Variants in DTWD2 observed in about 807,000 individuals in gnomAD.
The protein encoded by DTWD2 is DTW motif tRNA-uridine aminocarboxypropyltransferase 2, also known as tRNA-uridine aminocarboxypropyltransferase 2.
In DTWD2, 39 loss-of-function variants were observed where a neutral mutation model predicts 31.8. That is an observed-to-expected ratio of 1.22 (90% confidence interval 0.95 to 1.60). The LOEUF is 1.60. Among genes scored for constraint, DTWD2 ranks in the 40% most tolerant of loss-of-function variants. The pLI is 0.00. For missense variants in DTWD2, 515 were observed against 381.5 expected, an observed-to-expected ratio of 1.35 and a Z score of -2.92; for synonymous variants, 180 against 142.8, an observed-to-expected ratio of 1.26 and a Z score of -1.86.
At chr5:118,863,524 A>G (rs1752314009) in intron 4 of DTWD2, among the ~76,000 whole-genome samples, 1 of 152,252 alleles carries the variant, frequency 6.6e-6, no homozygotes, top group Non-Finnish European at 1.5e-5. Context: ...AGTCCTTAAA[A>G]GCAGATACAG....
At chr5:118,849,086 G>T (rs903827508) in intron 4 of DTWD2, among the ~76,000 whole-genome samples, 1 of 152,116 alleles carries the variant, frequency 6.6e-6, no homozygotes, top group African/African-American at 2.4e-5. Flanking sequence ...GAGTGAACAG[G>T]CAACCTACAG....
intron 4 of DTWD2, among the ~76,000 whole-genome samples, chr5:118,872,622 G>A (rs1446165197): frequency 3.3e-5 from 5 of 152,050 alleles, no homozygotes; most frequent in African/African-American, 4.8e-5. Context: ...GAGGTTTGTG[G>A]CACCCCAAAA....
chr5:118,896,971 C>A (rs1054080659), intron 4 of DTWD2, among the ~76,000 whole-genome samples: 3 of 152,172 alleles, frequency 2.0e-5, no homozygotes, highest in African/African-American at 7.2e-5. Context: ...TCAAATCAAA[C>A]CATGACTAAA....
chr5:118,932,674 AG>A (rs1189410300), intron 3 of DTWD2, among the ~76,000 whole-genome samples: 1 of 152,206 alleles, frequency 6.6e-6, no homozygotes, highest in Non-Finnish European at 1.5e-5. Context: ...ACAAAAGAAG[AG>A]ATGGCAGGGG....
intron 2 of DTWD2, among the ~76,000 whole-genome samples, chr5:118,943,129 T>C: frequency 6.6e-6 from 1 of 152,188 alleles, no homozygotes; most frequent in Admixed American, 6.5e-5. Context: ...TAACCAAAAT[T>C]GCTGTGGCCG....
chr5:118,985,490 T>TTATATATATATATACATA lies in DTWD2; in HGVS notation c.218+2803_218+2804insTATGTATATATATATATA, dbSNP rs1554072597. On this transcript the variant is annotated intron_variant, in intron 1 of 5. Transcript: ENST00000510708. ...AAAGACCACATGCTTATGTGCATTTTTATATATATATATATATATATATAT... is the reference window on the plus strand; with the variant it reads ...AAAGACCACATGCTTATGTGCATTTTTATATATATATATACATATATATATATATATATATATATATAT... Among the ~76,000 whole-genome samples the TTATATATATATATACATA allele has an allele frequency of 3.1e-5, 3 of 95,428 alleles. No homozygotes were observed. In the East Asian group the frequency reaches 1.1e-3, roughly 35 times the overall value. 62.6% of individuals were successfully genotyped at this position (95,428 alleles called of 152,430 possible).
In DTWD2 at chr5:118,944,565, T is replaced by A; in HGVS notation, c.303A>T (p.Pro101=). The change falls in exon 2 of 6, where the codon CCA becomes CCT. Residue 101 remains proline, a synonymous_variant. Transcript: ENST00000510708. ...ISTHLYIIQH[P]AEENKVLRTV... ...GTATTTTACAAAATCTTACCTCTGC[T>A]GGATGCTGAATTATGTACAAGTGGG... 6.2e-7 allele frequency: 1 copy of A among 1,613,288 alleles called. No homozygotes were observed.
At chr5:118,983,253 C>T (rs924367414) in intron 1 of DTWD2, among the ~76,000 whole-genome samples, 3 of 152,148 alleles carry the variant, frequency 2.0e-5, no homozygotes, top group Admixed American at 6.6e-5. Context: ...GCCCAATATA[C>T]GGGCACAGCC....
At chr5:118,876,740 C>T (rs985800440) in intron 4 of DTWD2, among the ~76,000 whole-genome samples, 158 of 152,142 alleles carry the variant, frequency 1.0e-3, no homozygotes, top group African/African-American at 3.5e-3. Flanking sequence ...TAATAAATAG[C>T]CTACCAACCA....
Position 118,939,217 on chromosome 5 carries a change from C to G in DTWD2, c.383G>C (p.Gly128Ala), listed in dbSNP as rs1172752458. 2 of 1,605,300 alleles carry G rather than the reference C, an allele frequency of 1.2e-6. No individual in the cohort carries two copies. The highest frequency in any genetic ancestry group is 2.2e-5 in the South Asian group (2 of 89,866). Residue 128 changes from glycine to alanine, a missense_variant, in exon 3 of 6, where the codon GGT becomes GCT. Physicochemically the swap from Gly to Ala is moderately conservative, Grantham distance 60. Coordinates refer to ENST00000510708, the MANE Select transcript of DTWD2 (RefSeq NM_173666.4). ...TTACCTTTCTTCACTGAAGCGACGA[C>G]CGATCTTCACTTTACACTTGTCCTG... ...LPQDKCKVKI[G>A]RRFSEERDPE...
chr5:118,987,389 C>T (rs1048793931), intron 1 of DTWD2, among the ~76,000 whole-genome samples: 3 of 152,172 alleles, frequency 2.0e-5, no homozygotes, highest in Admixed American at 6.5e-5. Context: ...GTCAAAATGT[C>T]CAAAGTGTGA....
Position 118,840,495 on chromosome 5 carries a change from G to A in DTWD2, c.*422C>T, listed in dbSNP as rs1751684941. ...TTTCTTTTGCTACTTATTTCAAACT[G>A]TAAAGTCAGGACTGCAAACTGATGT... On this transcript the variant is annotated 3_prime_UTR_variant, in exon 6 of 6. Transcript: ENST00000510708. The A allele has an allele frequency of 6.6e-6, 1 of 152,214 alleles. No individual in the cohort carries two copies. The highest frequency in any genetic ancestry group is 1.5e-5 in the Non-Finnish European group (1 of 68,080). The allele number at this position is 152,214 out of a possible 1,614,324, so 9.4% of individuals were successfully genotyped here.
intron 1 of DTWD2, among the ~76,000 whole-genome samples, chr5:118,954,252 C>A (rs1310014668): frequency 6.6e-6 from 1 of 152,178 alleles, no homozygotes; most frequent in Non-Finnish European, 1.5e-5. Context: ...GCCTGGGCAA[C>A]AGAGAGAGAA....
intron 4 of DTWD2, among the ~76,000 whole-genome samples, chr5:118,897,282 C>G (rs1753104723): frequency 6.6e-6 from 1 of 152,174 alleles, no homozygotes; most frequent in South Asian, 2.1e-4. Flanking sequence ...CTTAAATCTT[C>G]CAGTACTGAA....
chr5:118,943,357 C>T (rs574793793), intron 2 of DTWD2, among the ~76,000 whole-genome samples: 9 of 152,228 alleles, frequency 5.9e-5, no homozygotes, highest in African/African-American at 2.2e-4. Context: ...CGAGACCATC[C>T]TGGCTAACAC....
chr5:118,864,272 T>A (rs558416225), intron 4 of DTWD2, among the ~76,000 whole-genome samples: 9 of 150,244 alleles, frequency 6.0e-5, no homozygotes, highest in Admixed American at 6.0e-4. Context: ...CAGTAAACTA[T>A]TGCAAGGACA....
intron 1 of DTWD2, among the ~76,000 whole-genome samples, chr5:118,970,395 C>A (rs529852504): frequency 1.3e-5 from 2 of 152,182 alleles, no homozygotes; most frequent in Middle Eastern, 3.4e-3. Context: ...CCACGGCACT[C>A]CAGCCTGCTA....
intron 3 of DTWD2, among the ~76,000 whole-genome samples, chr5:118,933,929 C>G (rs1171207654): frequency 1.3e-5 from 2 of 148,432 alleles, no homozygotes; most frequent in Non-Finnish European, 3.0e-5. Context: ...TAAAAATAAC[C>G]TCCAAGAACA....
chr5:118,866,570 A>G (rs78174773), intron 4 of DTWD2, among the ~76,000 whole-genome samples: 4,168 of 152,304 alleles, frequency 0.027, 188 homozygotes, highest in African/African-American at 0.095. Context: ...AAGGTAAAAT[A>G]TGTAAGGAAA....
Sources: allele counts gnomAD v4.1 joint callset (sites outside exome capture counted in the v4.1 genomes callset), GRCh38; gene constraint gnomAD v4.1.1; transcripts MANE v1.5; gene names NCBI Gene and HGNC (gene_info 2026-07-23, HGNC 2026-07-21).